ZNF462: variants seen among roughly 807,000 people sequenced by gnomAD.
ZNF462 encodes zinc finger PBX1-interacting protein.
Under a neutral mutation model 201.9 loss-of-function variants are expected in ZNF462, and 10 were observed. The ratio of observed to expected loss-of-function variants is 0.05; its 90% CI spans 0.03 to 0.08. The LOEUF (loss-of-function observed/expected upper bound fraction) is 0.08, where lower values mean the gene tolerates loss of function less well. ZNF462 is among the 10% of genes least tolerant of loss of function. The probability of loss-of-function intolerance (pLI) is 1.00; values close to 1 mark genes in which losing one functional copy is unlikely to be tolerated. For missense variants in ZNF462, 2,523 were observed against 3,168.3 expected (o/e 0.80, Z 4.89); for synonymous variants, 1,227 against 1,193.3 (o/e 1.03, Z -0.58).
At chr9:106,946,409 T>C (rs967075129) in intron 7 of ZNF462, among the ~76,000 whole-genome samples, 2 of 152,188 alleles carry the variant, frequency 1.3e-5, no homozygotes, top group Non-Finnish European at 2.9e-5. Flanking sequence ...AAATTTTCTG[T>C]CCCTGGAGCT....
At position 106,932,760 on chromosome 9, in the gene ZNF462, C is replaced by T. The variant is rs1363026269; in HGVS notation, c.6116+211C>T. On this transcript the variant is annotated intron_variant, in intron 5 of 12. Coordinates refer to ENST00000277225, the MANE Select transcript of ZNF462 (RefSeq NM_021224.6). This position sits in a 1 kb window ranked among gnomAD's most constrained non-coding sequence, Gnocchi z 6.8. ...TGGCGTTAGATTTGGCAAATGCAGG[C>T]ATTTTAAAAATGAGAATTGGAGGAA... is the stretch of plus-strand genomic sequence containing the variant. The T allele has an allele frequency of 4.7e-6, 3 of 635,824 alleles. No individual in the cohort carries two copies. The African/African-American group carries it at 5.5e-5, about 12-fold the overall frequency. 39.4% of individuals were successfully genotyped at this position (635,824 alleles called of 1,614,324 possible). A position where few individuals can be genotyped will look rare whatever the true frequency, so the allele number is the denominator to read the frequency against.
intron 1 of ZNF462, among the ~76,000 whole-genome samples, chr9:106,879,329 T>TCCCCCCC (rs1321110689): frequency 1.3e-5 from 1 of 74,514 alleles, no homozygotes; most frequent in Non-Finnish European, 2.7e-5. Flanking sequence ...AGAGATGCTT[T>TCCCCCCC]CCACCCCCCC....
At chr9:106,906,757 G>A (rs1029836583) in intron 1 of ZNF462, among the ~76,000 whole-genome samples, 3 of 152,114 alleles carry the variant, frequency 2.0e-5, no homozygotes, top group Non-Finnish European at 4.4e-5. Flanking sequence ...GTTGAAATTT[G>A]TTGAAAATTT....
chr9:106,941,175 A>G (rs2131639549), intron 7 of ZNF462, among the ~76,000 whole-genome samples: 1 of 152,328 alleles, frequency 6.6e-6, no homozygotes, highest in Middle Eastern at 3.4e-3. Flanking sequence ...TAGACTGAGA[A>G]GAGTTGAGTT....
rs369186369 is a variant in ZNF462 at position 106,932,560 on chromosome 9, T to C, written c.6116+11T>C. 251 of 1,614,042 alleles carry C rather than the reference T, an allele frequency of 1.6e-4. No individual in the cohort carries two copies. Among genetic ancestry groups the C allele is most frequent in the African/African-American group, 2.8e-4 (21 of 74,928 alleles). On this transcript the variant is annotated intron_variant, in intron 5 of 12. Transcript: ENST00000277225. This position sits in a 1 kb window ranked among gnomAD's most constrained non-coding sequence, Gnocchi z 6.8. ...TGCTTTCAGGCACAAGTAAGTGCTATTGGGGGGTCACTAGTGGTTACTGGG... is the reference window on the plus strand; with the variant it reads ...TGCTTTCAGGCACAAGTAAGTGCTACTGGGGGGTCACTAGTGGTTACTGGG...
chr9:107,005,348 G>A lies in ZNF462; in HGVS notation c.7189+1922G>A, dbSNP rs995141489. 6.6e-6 allele frequency among the ~76,000 whole-genome samples: 1 copy of A among 152,084 alleles called. No homozygotes were observed. The highest frequency in any genetic ancestry group is 1.5e-5 in the Non-Finnish European group (1 of 67,988). On this transcript the variant is annotated intron_variant, in intron 11 of 12. Transcript: ENST00000277225. This position sits in a 1 kb window ranked among gnomAD's most constrained non-coding sequence, Gnocchi z 4.4. ...CCCACCAACAATGCAACAGGAGTTC[G>A]CTTATCTCCACATTCTCTCTAGCAT... is the stretch of plus-strand genomic sequence containing the variant.
Position 106,924,071 on chromosome 9 carries a change from T to A in ZNF462, c.221-62T>A. On this transcript the variant is annotated intron_variant, in intron 2 of 12. Coordinates refer to ENST00000277225, the MANE Select transcript of ZNF462 (RefSeq NM_021224.6). The surrounding 1 kb of genome is among the most constrained non-coding windows in gnomAD (Gnocchi z 6.2). ...GAAGAATAATTGGAATGGTACTGAT[T>A]TGCATGATTGGATATTTTAATTATC... The A allele has an allele frequency of 7.3e-7, 1 of 1,373,534 alleles. No homozygotes were observed. The highest frequency in any genetic ancestry group is 1.0e-6 in the Non-Finnish European group (1 of 1,003,810). The allele number at this position is 1,373,534 out of a possible 1,614,324, so 85.1% of individuals were successfully genotyped here. A position where few individuals can be genotyped will look rare whatever the true frequency, so the allele number is the denominator to read the frequency against.
intron 1 of ZNF462, among the ~76,000 whole-genome samples, chr9:106,884,550 G>T (rs1828237180): frequency 6.6e-6 from 1 of 151,942 alleles, no homozygotes; most frequent in Non-Finnish European, 1.5e-5. Flanking sequence ...ATCCACCTCT[G>T]CCCTGTCCCC....
chr9:106,862,494 G>A (rs906397238), upstream of ZNF462, among the ~76,000 whole-genome samples: 6 of 151,934 alleles, frequency 3.9e-5, no homozygotes, highest in Admixed American at 2.6e-4. The surrounding 1 kb of genome is among the most constrained non-coding windows in gnomAD (Gnocchi z 4.2). Context: ...CTTCTCCGCA[G>A]GTCTTTATTC....
chr9:106,931,000 C>G lies in ZNF462; in HGVS notation c.6012+311C>G, dbSNP rs755791639. ...TCTGCGTTTAGTGCCATTAGCTCTT[C>G]GTTCTTCCAAGTTGCCCGAGCTCTT... On this transcript the variant is annotated intron_variant, in intron 4 of 12. Coordinates refer to ENST00000277225, the MANE Select transcript of ZNF462 (RefSeq NM_021224.6). The surrounding 1 kb of genome is among the most constrained non-coding windows in gnomAD (Gnocchi z 5.8). 1.3e-5 allele frequency: 3 copies of G among 237,576 alleles called. No homozygotes were observed. The Admixed American group carries it at 1.4e-4, about 11-fold the overall frequency. 14.7% of individuals were successfully genotyped at this position (237,576 alleles called of 1,614,324 possible).
intron 1 of ZNF462, among the ~76,000 whole-genome samples, chr9:106,900,426 A>G (rs1180677429): frequency 3.3e-5 from 5 of 152,050 alleles, no homozygotes; most frequent in African/African-American, 9.7e-5. Context: ...ATCAAATGGT[A>G]GTTCTACTTT....
In ZNF462 at chr9:106,957,575, C is replaced by G. The variant is rs570457362; in HGVS notation, c.6428-14430C>G. On this transcript the variant is annotated intron_variant, in intron 7 of 12. Coordinates refer to ENST00000277225, the MANE Select transcript of ZNF462 (RefSeq NM_021224.6). ...TTTTGTAGTGCAATAAAGCATATGCCTGTATAGTACATATAATATATATCA... is the reference window on the plus strand; with the variant it reads ...TTTTGTAGTGCAATAAAGCATATGCGTGTATAGTACATATAATATATATCA... Among the ~76,000 whole-genome samples the G allele has an allele frequency of 3.9e-5, 6 of 152,124 alleles. No individual in the cohort carries two copies. In the South Asian group the frequency reaches 1.2e-3, roughly 32 times the overall value.
Position 106,883,542 on chromosome 9 carries a change from T to G in ZNF462, c.-31+20187T>G, listed in dbSNP as rs539849045. Among the ~76,000 whole-genome samples the G allele has an allele frequency of 1.3e-5, 2 of 152,350 alleles. No individual in the cohort carries two copies. Among genetic ancestry groups the G allele is most frequent in the South Asian group, 2.1e-4 (1 of 4,828 alleles). ...TATACATAAGGCCTGCGTCATTAGT[T>G]CATTTTTCAGTGAATGCTAGGCCAA... is the stretch of plus-strand genomic sequence containing the variant. On this transcript the variant is annotated intron_variant, in intron 1 of 12. Transcript: ENST00000277225. The surrounding 1 kb of genome is among the most constrained non-coding windows in gnomAD (Gnocchi z 4.9).
At position 106,925,834 on chromosome 9, in the gene ZNF462, T is replaced by G. The variant is rs1276755844; in HGVS notation, c.1922T>G (p.Leu641Trp). 2 of 1,614,158 alleles carry G rather than the reference T, an allele frequency of 1.2e-6. No homozygotes were observed. The highest frequency in any genetic ancestry group is 2.2e-5 in the South Asian group (2 of 91,082). The change falls in exon 3 of 13, where the codon TTG becomes TGG. Residue 641 changes from leucine (L) to tryptophan (W), a missense_variant. Coordinates refer to ENST00000277225, the MANE Select transcript of ZNF462 (RefSeq NM_021224.6). The surrounding 1 kb of genome is among the most constrained non-coding windows in gnomAD (Gnocchi z 7.9). ...GAGGGGCAGCCCTCAAGCCTACCATTGGAAAATGAGACAGACAGCCACCCC... is the reference window on the plus strand; with the variant it reads ...GAGGGGCAGCCCTCAAGCCTACCATGGGAAAATGAGACAGACAGCCACCCC... ...KFEGQPSSLP[L>W]ENETDSHPSS... is the part of the protein sequence containing the mutation.
chr9:106,863,548 GAGGAGGGAGAGC>G (rs1236799194), intron 1 of ZNF462, among the ~76,000 whole-genome samples, 193 bp downstream of exon 1: 1 of 150,506 alleles, frequency 6.6e-6, no homozygotes, highest in Admixed American at 6.6e-5. Flanking sequence ...GGAGGAGGGG[GAGGAGGGAGAGC>G]AGGAGGGGGA....
intron 10 of ZNF462, among the ~76,000 whole-genome samples, chr9:106,991,365 A>G (rs1022944890): frequency 7.2e-5 from 11 of 152,070 alleles, no homozygotes; most frequent in African/African-American, 2.7e-4. Context: ...AGAACTATAC[A>G]CTGAAAACTA....
chr9:106,885,598 A>G lies in ZNF462; in HGVS notation c.-31+22243A>G, dbSNP rs2130984268. On this transcript the variant is annotated intron_variant, in intron 1 of 12. Coordinates refer to ENST00000277225, the MANE Select transcript of ZNF462 (RefSeq NM_021224.6). The surrounding 1 kb of genome is among the most constrained non-coding windows in gnomAD (Gnocchi z 4.1). ...AAGTGCCTCCAAGACTTTAAGTAGC[A>G]GCTGAACATGTGATCTTGTTAACCC... is the stretch of plus-strand genomic sequence containing the variant. Among the ~76,000 whole-genome samples, 1 of 152,328 alleles carries G rather than the reference A, an allele frequency of 6.6e-6. No homozygotes were observed. Among genetic ancestry groups the G allele is most frequent in the South Asian group, 2.1e-4 (1 of 4,830 alleles).
In ZNF462 at chr9:106,917,782, A is replaced by T. The variant is rs976056829; in HGVS notation, c.-30-5572A>T. ...CTGTAGTAGTACCAAATGCTATGGG[A>T]TTGTTGGAGGTAGCTTGTTGTTGGA... On this transcript the variant is annotated intron_variant, in intron 1 of 12. Transcript: ENST00000277225. The surrounding 1 kb of genome is among the most constrained non-coding windows in gnomAD (Gnocchi z 4.5). Among the ~76,000 whole-genome samples, 7 of 151,896 alleles carry T rather than the reference A, an allele frequency of 4.6e-5. No homozygotes were observed. The highest frequency in any genetic ancestry group is 1.7e-4 in the African/African-American group (7 of 41,382).
Position 106,978,590 on chromosome 9 carries a change from C to T in ZNF462, c.6832+4317C>T, listed in dbSNP as rs150069698. On this transcript the variant is annotated intron_variant, in intron 9 of 12. Coordinates refer to ENST00000277225, the MANE Select transcript of ZNF462 (RefSeq NM_021224.6). This position sits in a 1 kb window ranked among gnomAD's most constrained non-coding sequence, Gnocchi z 4.1. ...ATTGACCATGATTTGATGAGTTTAA[C>T]TAGGGAAAAATTAAGCCCTGAACTT... Among the ~76,000 whole-genome samples, 520 of 151,636 alleles carry T rather than the reference C, an allele frequency of 3.4e-3. 28 individuals carry two copies. The highest frequency in any genetic ancestry group is 0.011 in the African/African-American group (454 of 40,940).
Sources: allele counts gnomAD v4.1 joint callset (sites outside exome capture counted in the v4.1 genomes callset), GRCh38; gene constraint gnomAD v4.1.1; non-coding constraint Gnocchi (gnomAD v3.1); transcripts MANE v1.5; gene names NCBI Gene and HGNC (gene_info 2026-07-23, HGNC 2026-07-21).